The following SPRED2 variants were observed in gnomAD, a reference collection of about 807,000 sequenced individuals.
SPRED2 encodes the protein sprouty related EVH1 domain containing 2.
Under a neutral mutation model 43.0 loss-of-function variants are expected in SPRED2, and 47 were observed. The observed-to-expected ratio is 1.09, with a 90% CI of 0.87 to 1.40. The LOEUF (loss-of-function observed/expected upper bound fraction) is 1.40. Ranked by LOEUF, SPRED2 falls within the 40% of genes most tolerant of loss-of-function variation. The pLI is 0.00. For missense variants in SPRED2, 561 were observed against 586.4 expected (o/e 0.96, Z 0.45); for synonymous variants, 225 against 225.7 (o/e 1.00, Z 0.03).
At chr2:65,321,539 A>G (rs559073956) in intron 4 of SPRED2, among the ~76,000 whole-genome samples, 88 of 145,424 alleles carry the variant, frequency 6.1e-4, no homozygotes, top group South Asian at 1.4e-3. Context: ...AAGATGTCCA[A>G]TTAAGAAGTG....
chr2:65,388,379 G>A (rs958528363), intron 1 of SPRED2, among the ~76,000 whole-genome samples: 10 of 152,196 alleles, frequency 6.6e-5, no homozygotes, highest in African/African-American at 2.4e-4. Context: ...AGCCCTAGGC[G>A]GCATGTGGGC....
At chr2:65,376,968 C>T (rs1326407025) in intron 1 of SPRED2, among the ~76,000 whole-genome samples, 2 of 152,196 alleles carry the variant, frequency 1.3e-5, no homozygotes, top group Admixed American at 6.5e-5. Flanking sequence ...CCTGCCTCGG[C>T]CTCCCAAAGT....
rs145445782 is a variant in SPRED2 at position 65,420,510 on chromosome 2, G to T, written c.26+11452C>A. 2.8e-4 allele frequency among the ~76,000 whole-genome samples: 42 copies of T among 152,342 alleles called. No homozygotes were observed. The East Asian group carries it at 6.7e-3, about 24-fold the overall frequency. On this transcript the variant is annotated intron_variant, in intron 1 of 5. Transcript: ENST00000356388. Reference sequence around the variant, plus strand: ...CACCAGAATTATCTGTAAAGAGTAAGCACTGACAAGTGATGGATAATTTGC... The same window carrying T: ...CACCAGAATTATCTGTAAAGAGTAATCACTGACAAGTGATGGATAATTTGC...
intron 1 of SPRED2, among the ~76,000 whole-genome samples, chr2:65,422,658 G>A (rs1676457994): frequency 6.6e-6 from 1 of 151,940 alleles, no homozygotes; most frequent in Admixed American, 6.6e-5. Context: ...CCGATTCACA[G>A]TATATCACAC....
intron 1 of SPRED2, among the ~76,000 whole-genome samples, chr2:65,399,370 G>A (rs1357236279): frequency 6.7e-6 from 1 of 150,182 alleles, no homozygotes; most frequent in East Asian, 1.9e-4. Context: ...GGATAGAACT[G>A]GAAACTATTA....
At chr2:65,419,286 C>T (rs186703969) in intron 1 of SPRED2, among the ~76,000 whole-genome samples, 78 of 152,308 alleles carry the variant, frequency 5.1e-4, no homozygotes, top group South Asian at 1.2e-3. Flanking sequence ...AACTCTTCCT[C>T]CTTTAATCAG....
chr2:65,366,624 G>A (rs369848388), intron 1 of SPRED2: 1 of 1,553,106 alleles, frequency 6.4e-7, no homozygotes. Flanking sequence ...ACATTGTGGA[G>A]CCCGAGTGCT....
intron 1 of SPRED2, among the ~76,000 whole-genome samples, chr2:65,401,987 C>T (rs1162242008): frequency 6.9e-6 from 1 of 145,074 alleles, no homozygotes; most frequent in African/African-American, 2.5e-5. Context: ...GTTAATTTGT[C>T]TTAGGTAATT....
intron 1 of SPRED2, among the ~76,000 whole-genome samples, chr2:65,424,803 T>G (rs1035877390): frequency 6.6e-6 from 1 of 151,952 alleles, no homozygotes. Flanking sequence ...AATTTAAAAA[T>G]TAGCCAGGTG....
chr2:65,319,055 A>G (rs1463789260), intron 4 of SPRED2, among the ~76,000 whole-genome samples: 6 of 152,240 alleles, frequency 3.9e-5, no homozygotes, highest in African/African-American at 1.4e-4. Flanking sequence ...TCATTTATAA[A>G]GTAGTACATA....
intron 3 of SPRED2, among the ~76,000 whole-genome samples, 189 bp downstream of exon 3, chr2:65,334,416 C>T (rs1673903039): frequency 6.6e-6 from 1 of 152,232 alleles, no homozygotes; most frequent in Non-Finnish European, 1.5e-5. Context: ...CTCTGAAACC[C>T]ATCTCCTTTT....
chr2:65,328,074 G>C (rs761696360), intron 4 of SPRED2, among the ~76,000 whole-genome samples: 2 of 152,092 alleles, frequency 1.3e-5, no homozygotes, highest in Non-Finnish European at 2.9e-5. Context: ...CTTTGTAGAA[G>C]TAATTTATAT....
At chr2:65,430,934 C>T (rs2103827510) in intron 1 of SPRED2, among the ~76,000 whole-genome samples, 1 of 152,262 alleles carries the variant, frequency 6.6e-6, no homozygotes, top group Non-Finnish European at 1.5e-5. Flanking sequence ...GCGCGGTGAC[C>T]GCTCAAACCC....
chr2:65,362,923 C>T (rs1476950422), intron 1 of SPRED2, among the ~76,000 whole-genome samples: 1 of 150,510 alleles, frequency 6.6e-6, no homozygotes, highest in Non-Finnish European at 1.5e-5. Flanking sequence ...TGCCTGTAAA[C>T]CCAGCACTTT....
Position 65,316,861 on chromosome 2 carries a change from T to A in SPRED2, c.461A>T (p.Asn154Ile), listed in dbSNP as rs963760578. 5 of 1,613,764 alleles carry A rather than the reference T, an allele frequency of 3.1e-6. No individual in the cohort carries two copies. Among genetic ancestry groups the A allele is most frequent in the Non-Finnish European group, 4.2e-6 (5 of 1,179,976 alleles). Residue 154 changes from asparagine (N) to isoleucine (I), a missense_variant, in exon 5 of 6, where the codon AAT (asparagine) becomes ATT (isoleucine). Asn to Ile is a moderately radical substitution (Grantham distance 149). Coordinates refer to ENST00000356388, the MANE Select transcript of SPRED2 (RefSeq NM_181784.3). ...AGGTTGCTCTCTCTTCTGAGAGGAA[T>A]TAGAAGAACTGTCTGTAGCTGTCTG... ...VFTTATDSSS[N>I]SSQKREQPTR...
chr2:65,426,968 T>C (rs1259490220), intron 1 of SPRED2, among the ~76,000 whole-genome samples: 2 of 152,242 alleles, frequency 1.3e-5, no homozygotes, highest in Non-Finnish European at 2.9e-5. Flanking sequence ...ACCACCTCAC[T>C]AGCTGTTCAG....
intron 1 of SPRED2, chr2:65,377,747 C>T (rs1239823740): frequency 1.1e-5 from 5 of 470,244 alleles, no homozygotes; most frequent in African/African-American, 2.0e-5. Context: ...AACACAAGTC[C>T]TGGGCAACTC....
At chr2:65,332,776 C>T (rs966801543) in intron 3 of SPRED2, among the ~76,000 whole-genome samples, 1 of 152,116 alleles carries the variant, frequency 6.6e-6, no homozygotes, top group African/African-American at 2.4e-5. Context: ...CCTTTTTCTT[C>T]ATTCTGGTAT....
rs533907540 is a variant in SPRED2 at position 65,360,116 on chromosome 2, A to G, written c.27-15220T>C. Among the ~76,000 whole-genome samples the G allele has an allele frequency of 3.0e-3, 396 of 132,434 alleles. 1 individual carries two copies. Among genetic ancestry groups the G allele is most frequent in the African/African-American group, 9.7e-3 (351 of 36,094 alleles). 86.9% of individuals were successfully genotyped at this position (132,434 alleles called of 152,430 possible). On this transcript the variant is annotated intron_variant, in intron 1 of 5. Transcript: ENST00000356388. ...AAAAAAAAACAAAAAAAAAAAAAAC[A>G]AAGACCAAAAGACCACTGCTCAAGA...
Sources: gnomAD v4.1 joint callset for allele counts (sites outside exome capture counted in the v4.1 genomes callset) on GRCh38, gnomAD v4.1.1 for gene constraint, MANE v1.5 for transcripts, NCBI Gene and HGNC (gene_info 2026-07-23, HGNC 2026-07-21) for gene names.